Variants in DSCAM observed in about 807,000 individuals in gnomAD.
The protein encoded by DSCAM is cell adhesion molecule DSCAM.
A neutral mutation model predicts 217.7 loss-of-function variants in DSCAM; 47 were observed. The ratio of observed to expected loss-of-function variants is 0.22; its 90% CI spans 0.17 to 0.28. DSCAM has a LOEUF of 0.28. Among genes scored for constraint, DSCAM ranks in the 10% least tolerant of loss-of-function variants. The pLI is 1.00. For synonymous variants in DSCAM, 1,056 were observed against 1,015.3 expected, an observed-to-expected ratio of 1.04 and a Z score of -0.76; for missense variants, 2,080 against 2,618.3, an observed-to-expected ratio of 0.79 and a Z score of 4.49.
Position 40,339,340 on chromosome 21 carries a change from T to C in DSCAM, c.1286A>G (p.Asn429Ser), listed in dbSNP as rs2074463724. The change falls in exon 7 of 33, where the codon AAC becomes AGC. Residue 429 changes from asparagine (N) to serine (S), a missense_variant. Transcript: ENST00000400454. Reference protein sequence around the residue: ...SPAEPVSLMCNVKGTPLPTIT... With the variant: ...SPAEPVSLMCSVKGTPLPTIT... ...CGTGGGCAAAGGTGTTCCCTTCACG[T>C]TGCACATAAGGGAAACCGGCTCTGC... 2.5e-6 allele frequency: 4 copies of C among 1,613,972 alleles called. No individual in the cohort carries two copies. The highest frequency in any genetic ancestry group is 8.5e-7 in the Non-Finnish European group (1 of 1,180,034).
At chr21:40,249,664 C>T (rs1482605994) in intron 11 of DSCAM, among the ~76,000 whole-genome samples, 1 of 152,178 alleles carries the variant, frequency 6.6e-6, no homozygotes, top group African/African-American at 2.4e-5. Context: ...GCAGCTGTCT[C>T]TCTGGAGTGT....
chr21:40,349,037 T>C (rs2074598325), intron 5 of DSCAM, among the ~76,000 whole-genome samples: 1 of 147,276 alleles, frequency 6.8e-6, no homozygotes, highest in Non-Finnish European at 1.5e-5. Context: ...CTTGGGAGGC[T>C]GAGGGAGGAG....
At chr21:40,581,180 T>C (rs1043473705) in intron 3 of DSCAM, among the ~76,000 whole-genome samples, 1 of 152,182 alleles carries the variant, frequency 6.6e-6, no homozygotes, top group Admixed American at 6.5e-5. Context: ...AAGAAGCATA[T>C]GTGGTCCTCT....
chr21:40,178,654 C>G (rs2146801013), intron 15 of DSCAM, among the ~76,000 whole-genome samples: 1 of 152,274 alleles, frequency 6.6e-6, no homozygotes, highest in Non-Finnish European at 1.5e-5. Context: ...CGGCATGATT[C>G]TTTGAATCTC....
chr21:40,349,501 T>C (rs975028440), intron 5 of DSCAM, among the ~76,000 whole-genome samples: 1 of 152,202 alleles, frequency 6.6e-6, no homozygotes, highest in Admixed American at 6.5e-5. Flanking sequence ...ATGCCAAGGA[T>C]GAGGTTAAAC....
intron 3 of DSCAM, among the ~76,000 whole-genome samples, chr21:40,456,991 T>C (rs903964083): frequency 6.6e-6 from 1 of 152,136 alleles, no homozygotes; most frequent in Non-Finnish European, 1.5e-5. Flanking sequence ...AATTTAGAAT[T>C]ACTGTAACAA....
rs1568986404 is a variant in DSCAM, at chr21:40,182,619, GGCCACCAGAGAAACCGTGGACAGGA to G, written c.2780-3550_2780-3526del. Among the ~76,000 whole-genome samples the G allele has an allele frequency of 3.3e-3, 456 of 139,680 alleles. 2 individuals carry two copies. Among genetic ancestry groups the G allele is most frequent in the African/African-American group, 9.9e-3 (341 of 34,442 alleles). The allele number at this position is 139,680 out of a possible 152,430, so 91.6% of individuals were successfully genotyped here. On this transcript the variant is annotated intron_variant, in intron 14 of 32. Transcript: ENST00000400454. The stretch of plus-strand genomic sequence containing the variant: ...CAGCAGAGAAACCGTGGACAGAACG[GGCCACCAGAGAAACCGTGGACAGGA>G]GGGGGTTACCAGAGAAACCGTGGAC...
At chr21:40,665,214 G>A (rs79575853) in intron 3 of DSCAM, among the ~76,000 whole-genome samples, 3,586 of 152,304 alleles carry the variant, frequency 0.024, 51 homozygotes, top group Middle Eastern at 0.041. Flanking sequence ...GCATGGGGAG[G>A]TGGCAAATTC....
intron 11 of DSCAM, among the ~76,000 whole-genome samples, chr21:40,219,296 G>C (rs528373437): frequency 6.6e-6 from 1 of 152,074 alleles, no homozygotes; most frequent in East Asian, 1.9e-4. Context: ...TGTGTATGTT[G>C]AATCAACCTT....
At chr21:40,484,100 C>G (rs990483601) in intron 3 of DSCAM, among the ~76,000 whole-genome samples, 1 of 152,176 alleles carries the variant, frequency 6.6e-6, no homozygotes, top group Non-Finnish European at 1.5e-5. Flanking sequence ...TCAACCCACC[C>G]AAACTCATCT....
chr21:40,493,482 C>T (rs2076092232), intron 3 of DSCAM, among the ~76,000 whole-genome samples: 1 of 152,054 alleles, frequency 6.6e-6, no homozygotes, highest in Non-Finnish European at 1.5e-5. Context: ...TATGAAGGTT[C>T]AAAGACAAAA....
intron 4 of DSCAM, among the ~76,000 whole-genome samples, chr21:40,355,756 C>T (rs1942211679): frequency 6.6e-6 from 1 of 152,164 alleles, no homozygotes; most frequent in Admixed American, 6.5e-5. Context: ...AATCTGATGG[C>T]CAAGGAATGG....
chr21:40,392,696 C>G (rs369461604), intron 3 of DSCAM, among the ~76,000 whole-genome samples: 1 of 152,102 alleles, frequency 6.6e-6, no homozygotes, highest in Admixed American at 6.5e-5. Context: ...CTCCCAAACA[C>G]GAGCATTTCC....
chr21:40,566,522 T>A (rs1307746189), intron 3 of DSCAM, among the ~76,000 whole-genome samples: 1 of 152,218 alleles, frequency 6.6e-6, no homozygotes, highest in Non-Finnish European at 1.5e-5. Context: ...CCCAACACAT[T>A]ATTCATTATG....
intron 3 of DSCAM, among the ~76,000 whole-genome samples, chr21:40,554,176 G>T (rs888078708): frequency 6.6e-6 from 1 of 151,402 alleles, no homozygotes; most frequent in Non-Finnish European, 1.5e-5. Flanking sequence ...ACCATGCCTG[G>T]CTGTTTGTTT....
intron 15 of DSCAM, among the ~76,000 whole-genome samples, chr21:40,172,537 CA>C (rs1279540053): frequency 6.6e-6 from 1 of 152,226 alleles, no homozygotes; most frequent in Admixed American, 6.5e-5. Context: ...CCCAGCTGGA[CA>C]ACCTCCCACT....
chr21:40,737,139 T>C (rs576771130), intron 1 of DSCAM, among the ~76,000 whole-genome samples: 1 of 152,204 alleles, frequency 6.6e-6, no homozygotes, highest in East Asian at 1.9e-4. Context: ...TAATTTCTTA[T>C]TTTTACTAAT....
In DSCAM at chr21:40,187,176, T is replaced by G. The variant is rs779381462; in HGVS notation, c.2734A>C (p.Asn912His). 14 of 1,614,052 alleles carry G rather than the reference T, an allele frequency of 8.7e-6. No homozygotes were observed. The highest frequency in any genetic ancestry group is 1.2e-5 in the Non-Finnish European group (14 of 1,180,010). The change falls in exon 14 of 33, where the codon AAC (asparagine) becomes CAC (histidine). Residue 912 changes from asparagine to histidine, a missense_variant. Transcript: ENST00000400454. ...ATATCGTAGCCTGTGATGGGACTGTTTCCATCAAACCCCATGGTCCACCTG... is the reference window on the plus strand; with the variant it reads ...ATATCGTAGCCTGTGATGGGACTGTGTCCATCAAACCCCATGGTCCACCTG... ...TLRWTMGFDG[N>H]SPITGYDIEC...
intron 3 of DSCAM, among the ~76,000 whole-genome samples, chr21:40,511,727 C>T (rs1465921803): frequency 1.3e-5 from 2 of 152,000 alleles, no homozygotes; most frequent in Middle Eastern, 3.4e-3. Context: ...CGCGGTGGCT[C>T]ACGCCTGTAA....
Sources: allele counts gnomAD v4.1 joint callset (sites outside exome capture counted in the v4.1 genomes callset), GRCh38; gene constraint gnomAD v4.1.1; transcripts MANE v1.5; gene names NCBI Gene and HGNC (gene_info 2026-07-23, HGNC 2026-07-21).